The following PLXDC2 variants were observed in gnomAD, a reference collection of about 807,000 sequenced individuals.
The protein encoded by PLXDC2 is plexin domain containing 2.
PLXDC2 carries 40 observed loss-of-function variants against 68.9 expected under a neutral mutation model. That is an observed-to-expected ratio of 0.58 (90% CI 0.45 to 0.76). PLXDC2 has a LOEUF of 0.76. Among genes scored for constraint, PLXDC2 ranks in the 30% least tolerant of loss-of-function variants. PLXDC2 has a pLI of 0.00. For missense variants in PLXDC2, 644 were observed against 661.9 expected (o/e 0.97, Z 0.30); for synonymous variants, 243 against 234.2 (o/e 1.04, Z -0.34).
At chr10:20,166,417 G>A (rs1442355288) in intron 7 of PLXDC2, among the ~76,000 whole-genome samples, 1 of 152,070 alleles carries the variant, frequency 6.6e-6, no homozygotes, top group African/African-American at 2.4e-5. Flanking sequence ...AACAAAGCAA[G>A]GATACATGAG....
intron 2 of PLXDC2, among the ~76,000 whole-genome samples, chr10:20,042,592 TGTTTG>T (rs1835702091): frequency 1.6e-4 from 1 of 6,448 alleles, no homozygotes; most frequent in Non-Finnish European, 4.4e-4. Flanking sequence ...TGATCTTTTT[TGTTTG>T]TTTGTTTGTT....
At chr10:20,085,102 G>A (rs1010385994) in intron 4 of PLXDC2, among the ~76,000 whole-genome samples, 2 of 151,204 alleles carry the variant, frequency 1.3e-5, no homozygotes, top group South Asian at 4.2e-4. Flanking sequence ...TTGTCCAATG[G>A]TACCTTCTAC....
intron 1 of PLXDC2, among the ~76,000 whole-genome samples, chr10:19,926,888 A>G (rs966884848): frequency 8.5e-5 from 13 of 152,244 alleles, no homozygotes; most frequent in Non-Finnish European, 1.3e-4. Context: ...GATAGACTTT[A>G]GAAGTTCACA....
rs1466012406 is a variant in PLXDC2 at position 19,937,564 on chromosome 10, A to ATATATATATATT, written c.113-64200_113-64199insTTATATATATAT. Among the ~76,000 whole-genome samples, 84 of 140,562 alleles carry ATATATATATATT rather than the reference A, an allele frequency of 6.0e-4. 1 individual carries two copies. Among genetic ancestry groups the ATATATATATATT allele is most frequent in the Middle Eastern group, 3.7e-3 (1 of 272 alleles). The allele number at this position is 140,562 out of a possible 152,430, so 92.2% of individuals were successfully genotyped here. On this transcript the variant is annotated intron_variant, in intron 1 of 13. Coordinates refer to ENST00000377252, the MANE Select transcript of PLXDC2 (RefSeq NM_032812.9). Reference sequence around the variant, plus strand: ...TCAATGTATATATATATATATATATATATATATATATATATATATTTGCAA... The same window carrying ATATATATATATT: ...TCAATGTATATATATATATATATATATATATATATATTTATATATATATATATATATTTGCAA...
intron 1 of PLXDC2, among the ~76,000 whole-genome samples, chr10:19,854,467 A>G (rs893482861): frequency 2.0e-5 from 3 of 152,170 alleles, no homozygotes; most frequent in Non-Finnish European, 2.9e-5. Context: ...GAGGGGTGCT[A>G]CTGGTGTCTA....
At position 20,185,191 on chromosome 10, in the gene PLXDC2, T is replaced by C. The variant is rs1052520430; in HGVS notation, c.1061+7782T>C. ...AAAAAAAAAAAAAAAAAAAAAACTA[T>C]GGGTATTTTCCATACAGTGAGGTTT... On this transcript the variant is annotated intron_variant, in intron 9 of 13. Transcript: ENST00000377252. Among the ~76,000 whole-genome samples, 5 of 126,440 alleles carry C rather than the reference T, an allele frequency of 4.0e-5. No homozygotes were observed. In the South Asian group the frequency reaches 1.2e-3, roughly 32 times the overall value. The allele number at this position is 126,440 out of a possible 152,430, so 82.9% of individuals were successfully genotyped here.
chr10:19,860,678 C>A (rs1313866319), intron 1 of PLXDC2, among the ~76,000 whole-genome samples: 1 of 152,202 alleles, frequency 6.6e-6, no homozygotes, highest in Non-Finnish European at 1.5e-5. Flanking sequence ...CAGGGCCCAG[C>A]ACCACCTGAA....
At chr10:19,952,773 T>G (rs1033091658) in intron 1 of PLXDC2, among the ~76,000 whole-genome samples, 3 of 152,214 alleles carry the variant, frequency 2.0e-5, no homozygotes, top group Non-Finnish European at 4.4e-5. Flanking sequence ...ATAGGCTAGT[T>G]GTTACTTGCT....
chr10:19,966,720 A>C (rs917351756), intron 1 of PLXDC2, among the ~76,000 whole-genome samples: 1 of 152,018 alleles, frequency 6.6e-6, no homozygotes, highest in Admixed American at 6.6e-5. Flanking sequence ...CTGTAGTCCC[A>C]CCACACTAGG....
chr10:20,100,153 G>T (rs1833403665), intron 4 of PLXDC2, among the ~76,000 whole-genome samples: 2 of 152,102 alleles, frequency 1.3e-5, no homozygotes, highest in Non-Finnish European at 1.5e-5. Context: ...TCTAGCAAAT[G>T]CTGATTATAT....
chr10:19,905,353 T>C (rs531594143), intron 1 of PLXDC2, among the ~76,000 whole-genome samples: 1 of 152,338 alleles, frequency 6.6e-6, no homozygotes, highest in South Asian at 2.1e-4. Context: ...TTTACTGAGA[T>C]GTAAAACTTT....
intron 4 of PLXDC2, among the ~76,000 whole-genome samples, chr10:20,099,098 T>C (rs1356399347): frequency 6.6e-6 from 1 of 152,050 alleles, no homozygotes; most frequent in Admixed American, 6.6e-5. Context: ...ATAATAATAA[T>C]AAATAATAAA....
chr10:19,832,372 G>A (rs1437791092), intron 1 of PLXDC2, among the ~76,000 whole-genome samples: 1 of 152,062 alleles, frequency 6.6e-6, no homozygotes, highest in Admixed American at 6.5e-5. Flanking sequence ...GAAACACGGA[G>A]GAATGCATGA....
chr10:20,280,937 A>G lies in PLXDC2; in HGVS notation c.*1118A>G, dbSNP rs886417989. 2 of 151,992 alleles carry G rather than the reference A, an allele frequency of 1.3e-5. No individual in the cohort carries two copies. Among genetic ancestry groups the G allele is most frequent in the Non-Finnish European group, 2.9e-5 (2 of 67,986 alleles). 9.4% of individuals were successfully genotyped at this position (151,992 alleles called of 1,614,324 possible). ...TATATATATAAATATATTTTTGTTTATAACTAACACAAGGCAGGATCTTGT... is the reference window on the plus strand; with the variant it reads ...TATATATATAAATATATTTTTGTTTGTAACTAACACAAGGCAGGATCTTGT... On this transcript the variant is annotated 3_prime_UTR_variant, in exon 14 of 14. Transcript: ENST00000377252.
intron 12 of PLXDC2, among the ~76,000 whole-genome samples, chr10:20,235,649 G>A (rs1016582362): frequency 2.0e-5 from 3 of 152,128 alleles, no homozygotes; most frequent in African/African-American, 7.2e-5. Flanking sequence ...AGCCCCAAAG[G>A]TTCCATCTTT....
At chr10:20,071,929 GAC>G (rs989201330) in intron 4 of PLXDC2, among the ~76,000 whole-genome samples, 6 of 152,180 alleles carry the variant, frequency 3.9e-5, no homozygotes, top group Admixed American at 1.3e-4. Flanking sequence ...TGAGTTAAAT[GAC>G]AGTGCTGAAA....
At chr10:19,896,923 T>G (rs1406580242) in intron 1 of PLXDC2, among the ~76,000 whole-genome samples, 1 of 152,186 alleles carries the variant, frequency 6.6e-6, no homozygotes, top group African/African-American at 2.4e-5. Context: ...ATTTTTTGCA[T>G]AGCTCTTAGT....
intron 1 of PLXDC2, among the ~76,000 whole-genome samples, chr10:19,988,311 A>T (rs1267503573): frequency 6.6e-6 from 1 of 152,206 alleles, no homozygotes; most frequent in East Asian, 1.9e-4. Flanking sequence ...TTTTGGGTTA[A>T]CTGACAACTT....
intron 1 of PLXDC2, among the ~76,000 whole-genome samples, chr10:19,869,060 C>T (rs1235962591): frequency 6.6e-6 from 1 of 152,016 alleles, no homozygotes; most frequent in African/African-American, 2.4e-5. Context: ...AGTTAGAGAA[C>T]TCAGGGTTCA....
Sources: allele counts gnomAD v4.1 joint callset (sites outside exome capture counted in the v4.1 genomes callset), GRCh38; gene constraint gnomAD v4.1.1; transcripts MANE v1.5; gene names NCBI Gene and HGNC (gene_info 2026-07-23, HGNC 2026-07-21).